Variants in ARID1B observed in about 807,000 individuals in gnomAD.
ARID1B encodes the protein AT-rich interaction domain 1B.
In ARID1B, 30 loss-of-function variants were observed where a neutral mutation model predicts 212.3. The observed-to-expected ratio is 0.14, with a 90% CI of 0.11 to 0.19. The LOEUF (loss-of-function observed/expected upper bound fraction) is 0.19. ARID1B is among the 10% of genes least tolerant of loss of function. The pLI is 1.00. For missense variants in ARID1B, 2,891 were observed against 3,204.0 expected (o/e 0.90, Z 2.36); for synonymous variants, 1,402 against 1,301.7 (o/e 1.08, Z -1.66).
intron 4 of ARID1B, among the ~76,000 whole-genome samples, chr6:156,977,278 TCTC>T (rs760296673): frequency 9.0e-4 from 136 of 150,558 alleles, no homozygotes; most frequent in Admixed American, 1.8e-3. Flanking sequence ...ATTTATCCTG[TCTC>T]CTCTTTTTTT....
At chr6:157,182,338 C>T (rs905436123) in intron 12 of ARID1B, among the ~76,000 whole-genome samples, 2 of 152,232 alleles carry the variant, frequency 1.3e-5, no homozygotes, top group African/African-American at 4.8e-5. Context: ...GTCTGTCTGA[C>T]TCCAGACACA....
chr6:156,789,045 A>G (rs537600529), intron 1 of ARID1B, among the ~76,000 whole-genome samples: 51 of 152,346 alleles, frequency 3.3e-4, no homozygotes, highest in Middle Eastern at 6.8e-3. Context: ...AAAGTGCACC[A>G]TCTAAGAAGT....
intron 8 of ARID1B, among the ~76,000 whole-genome samples, chr6:157,158,291 A>G (rs1396707733): frequency 1.3e-5 from 2 of 152,180 alleles, no homozygotes; most frequent in Admixed American, 6.5e-5. Context: ...GGCCCAGGCC[A>G]CCGTTAACTC....
At chr6:157,106,385 G>A (rs907701899) in intron 5 of ARID1B, among the ~76,000 whole-genome samples, 13 of 152,166 alleles carry the variant, frequency 8.5e-5, no homozygotes, top group African/African-American at 1.4e-4. Context: ...CTGGAGGCTC[G>A]ACTAGGGAAC....
intron 4 of ARID1B, among the ~76,000 whole-genome samples, chr6:157,062,951 C>T (rs1347595860): frequency 2.0e-5 from 3 of 151,520 alleles, no homozygotes; most frequent in Non-Finnish European, 4.4e-5. Context: ...GTGATCCACC[C>T]GCCTCAGCCT....
chr6:157,060,525 T>C lies in ARID1B; in HGVS notation c.2248-24137T>C, dbSNP rs1259975436. ...AGTAGTTTTTCTTAAATAATACTTT[T>C]CAATAACAACAATTTCACACACAAC... On this transcript the variant is annotated intron_variant, in intron 4 of 19. Coordinates refer to ENST00000636930, the MANE Select transcript of ARID1B (RefSeq NM_001374828.1). Among the ~76,000 whole-genome samples, 4 of 151,864 alleles carry C rather than the reference T, an allele frequency of 2.6e-5. No individual in the cohort carries two copies. The East Asian group carries it at 5.8e-4, about 22-fold the overall frequency.
At chr6:157,077,656 GTC>G (rs1784390616) in intron 4 of ARID1B, among the ~76,000 whole-genome samples, 1 of 152,138 alleles carries the variant, frequency 6.6e-6, no homozygotes. Context: ...CCGTCAGTCT[GTC>G]CTCTTAGCAC....
intron 3 of ARID1B, among the ~76,000 whole-genome samples, chr6:156,909,001 C>A (rs1312815779): frequency 6.6e-6 from 1 of 151,646 alleles, no homozygotes; most frequent in African/African-American, 2.4e-5. Context: ...CCTGTCTCAT[C>A]TTTTCCTCCT....
chr6:157,041,829 C>G (rs548335770), intron 4 of ARID1B, among the ~76,000 whole-genome samples: 29 of 152,308 alleles, frequency 1.9e-4, no homozygotes, highest in African/African-American at 5.5e-4. Context: ...TACTCCCCAT[C>G]TTCTTAGCCA....
chr6:157,117,050 A>G (rs1228307047), intron 6 of ARID1B, among the ~76,000 whole-genome samples: 3 of 152,220 alleles, frequency 2.0e-5, no homozygotes, highest in Non-Finnish European at 4.4e-5. Flanking sequence ...AATCACAAAA[A>G]TCTCATCTTT....
In ARID1B at chr6:157,082,115, G is replaced by T. The variant is rs113250913; in HGVS notation, c.2248-2547G>T. ...TAAGATTATATGGAGTTGTCACTCA[G>T]TATTTTTCAGGGGGATGTAGTAACG... On this transcript the variant is annotated intron_variant, in intron 4 of 19. Coordinates refer to ENST00000636930, the MANE Select transcript of ARID1B (RefSeq NM_001374828.1). 8.4e-3 allele frequency among the ~76,000 whole-genome samples: 1,273 copies of T among 152,264 alleles called. 24 individuals carry two copies. Among genetic ancestry groups the T allele is most frequent in the African/African-American group, 0.029 (1,211 of 41,542 alleles).
chr6:157,114,040 C>A, intron 6 of ARID1B, among the ~76,000 whole-genome samples: 1 of 152,188 alleles, frequency 6.6e-6, no homozygotes, highest in South Asian at 2.1e-4. Flanking sequence ...TATGTACCAG[C>A]AGCATACACA....
At chr6:156,797,618 G>T (rs1166025249) in intron 1 of ARID1B, among the ~76,000 whole-genome samples, 3 of 152,234 alleles carry the variant, frequency 2.0e-5, no homozygotes, top group Admixed American at 6.5e-5. Flanking sequence ...TGGATTTTTT[G>T]AAGGTGTTCC....
chr6:156,852,433 G>A (rs370577328), intron 2 of ARID1B, among the ~76,000 whole-genome samples: 26 of 151,152 alleles, frequency 1.7e-4, no homozygotes, highest in African/African-American at 5.3e-4. Context: ...GGGCAACAGA[G>A]CAAGAAGACT....
intron 5 of ARID1B, chr6:157,107,854 A>T (rs1000583712): frequency 6.6e-6 from 1 of 152,244 alleles, no homozygotes; most frequent in African/African-American, 2.4e-5. Flanking sequence ...CACATGTCAT[A>T]TAAAAATCTG....
chr6:156,991,616 A>G (rs9372033), intron 4 of ARID1B, among the ~76,000 whole-genome samples: 33,220 of 152,128 alleles, frequency 0.22, 4,169 homozygotes, highest in East Asian at 0.41. Context: ...TCATACTTAT[A>G]TCTTTCTTAC....
intron 5 of ARID1B, among the ~76,000 whole-genome samples, chr6:157,087,882 T>C (rs1456523498): frequency 4.6e-5 from 7 of 152,070 alleles, no homozygotes; most frequent in Non-Finnish European, 7.4e-5. Flanking sequence ...CGAGAGAGAA[T>C]GACTGTACCC....
chr6:156,935,838 G>A (rs1792157596), intron 4 of ARID1B: 3 of 387,438 alleles, frequency 7.7e-6, no homozygotes. Context: ...TTTGTGTGCA[G>A]GTGGTTATTG....
chr6:156,800,948 C>T (rs1780740139), intron 1 of ARID1B, among the ~76,000 whole-genome samples: 1 of 152,114 alleles, frequency 6.6e-6, no homozygotes, highest in African/African-American at 2.4e-5. Flanking sequence ...TGGCATTAGC[C>T]ACATTGTATG....
Sources: allele counts gnomAD v4.1 joint callset (sites outside exome capture counted in the v4.1 genomes callset), GRCh38; gene constraint gnomAD v4.1.1; transcripts MANE v1.5; gene names NCBI Gene and HGNC (gene_info 2026-07-23, HGNC 2026-07-21).